Variants in KIF3B observed in about 807,000 individuals in gnomAD.
The protein encoded by KIF3B is kinesin family member 3B.
KIF3B carries 38 observed loss-of-function variants against 74.3 expected under a neutral mutation model. That is an observed-to-expected ratio of 0.51 (90% confidence interval 0.39 to 0.67). The LOEUF is 0.67. Ranked by LOEUF, KIF3B falls within the 30% of genes least tolerant of loss-of-function variation. The pLI, the probability that KIF3B is intolerant of heterozygous loss-of-function variation, is 0.00. For missense variants in KIF3B, 649 were observed against 932.0 expected, an observed-to-expected ratio of 0.70 and a Z score of 3.95; for synonymous variants, 326 against 342.5, an observed-to-expected ratio of 0.95 and a Z score of 0.53.
chr20:32,308,069 T>G (rs1202780216), intron 1 of KIF3B, among the ~76,000 whole-genome samples: 1 of 151,794 alleles, frequency 6.6e-6, no homozygotes, highest in Non-Finnish European at 1.5e-5. Flanking sequence ...ACCCTGTCTC[T>G]ACTAAAAATA....
chr20:32,319,211 T>A (rs2047844391), intron 5 of KIF3B, among the ~76,000 whole-genome samples: 1 of 152,066 alleles, frequency 6.6e-6, no homozygotes, highest in African/African-American at 2.4e-5. Flanking sequence ...TCTGCCCGAC[T>A]TAGCCTCCCA....
chr20:32,309,171 C>T (rs1015479969), intron 1 of KIF3B, among the ~76,000 whole-genome samples: 10 of 151,776 alleles, frequency 6.6e-5, no homozygotes, highest in South Asian at 2.1e-4. Context: ...CATGAGCCAC[C>T]GTGTGCAGCT....
At chr20:32,299,675 G>A (rs897371286) in intron 1 of KIF3B, among the ~76,000 whole-genome samples, 1 of 151,230 alleles carries the variant, frequency 6.6e-6, no homozygotes, top group Non-Finnish European at 1.5e-5. Flanking sequence ...GCCTCCCAAA[G>A]TGCTGGGATT....
At chr20:32,323,105 T>C (rs1450936121) in intron 5 of KIF3B, among the ~76,000 whole-genome samples, 67 of 116,026 alleles carry the variant, frequency 5.8e-4, no homozygotes, top group African/African-American at 2.0e-3. Context: ...TATATATTTA[T>C]ATATATTTAT....
intron 1 of KIF3B, among the ~76,000 whole-genome samples, chr20:32,295,232 T>G (rs79066604): frequency 0.027 from 4,074 of 152,190 alleles, 180 homozygotes; most frequent in African/African-American, 0.093. Context: ...AGGGACATTT[T>G]GAAACTTTTT....
At position 32,310,962 on chromosome 20, in the gene KIF3B, G is replaced by A. The variant is rs773362562; in HGVS notation, c.1185G>A (p.Glu395=). Residue 395 remains glutamate, a synonymous_variant, in exon 2 of 9, where the codon GAG becomes GAA. Transcript: ENST00000375712. The surrounding 1 kb of genome is among the most constrained non-coding windows in gnomAD (Gnocchi z 6.5). ...EGGGSGGGGE[E]EEEEGEEGEE... is the part of the protein sequence containing the mutation. ...GTGGCAGTGGTGGGGGTGGGGAAGA[G>A]GAGGAGGAGGAGGGAGAAGAGGGTG... is the stretch of plus-strand genomic sequence containing the variant. 29 of 1,451,198 alleles carry A rather than the reference G, an allele frequency of 2.0e-5. No individual in the cohort carries two copies. The highest frequency in any genetic ancestry group is 1.8e-4 in the Middle Eastern group (1 of 5,624). The allele number at this position is 1,451,198 out of a possible 1,614,324, so 89.9% of individuals were successfully genotyped here.
chr20:32,306,086 G>A (rs6087869), intron 1 of KIF3B, among the ~76,000 whole-genome samples: 44,965 of 77,982 alleles, frequency 0.58, 10,947 homozygotes, highest in African/African-American at 0.75. Context: ...GACTCCATCT[G>A]AAAAAAAAAA....
At chr20:32,296,400 C>T (rs2047717310) in intron 1 of KIF3B, among the ~76,000 whole-genome samples, 1 of 152,006 alleles carries the variant, frequency 6.6e-6, no homozygotes, top group African/African-American at 2.4e-5. Context: ...GCCGGGAGTT[C>T]AAGAACAGCC....
rs1285188302 is a variant in KIF3B at position 32,277,742 on chromosome 20, G to A, written c.-89G>A. 7.7e-6 allele frequency: 2 copies of A among 260,762 alleles called. No individual in the cohort carries two copies. The highest frequency in any genetic ancestry group is 1.2e-4 in the South Asian group (1 of 8,350). 16.2% of individuals were successfully genotyped at this position (260,762 alleles called of 1,614,324 possible). ...CGCCGCCGCCGCCGCCGCCGCCGCC[G>A]CCCGCTTTCGGCTCGGGCCTCAGGT... On this transcript the variant is annotated 5_prime_UTR_variant, in exon 1 of 9. Coordinates refer to ENST00000375712, the MANE Select transcript of KIF3B (RefSeq NM_004798.4).
At chr20:32,291,538 A>AG (rs1313210063) in intron 1 of KIF3B, among the ~76,000 whole-genome samples, 4 of 152,084 alleles carry the variant, frequency 2.6e-5, no homozygotes, top group Non-Finnish European at 4.4e-5. Flanking sequence ...TTTTAAAATA[A>AG]TAACATTTTT....
chr20:32,299,304 G>A (rs1276554671), intron 1 of KIF3B, among the ~76,000 whole-genome samples: 1 of 141,320 alleles, frequency 7.1e-6, no homozygotes, highest in Non-Finnish European at 1.5e-5. Flanking sequence ...GGCCAGATTT[G>A]TATCCTGGAC....
rs932704374 is a variant in KIF3B at position 32,331,767 on chromosome 20, A to G, written c.*448A>G. ...ATCTTTGGAGCCTCGGGATAAAATG[A>G]CAGTGAGGTTGAAAAGTGAAAACCC... is the stretch of plus-strand genomic sequence containing the variant. On this transcript the variant is annotated 3_prime_UTR_variant, in exon 9 of 9. Transcript: ENST00000375712. 3 of 159,200 alleles carry G rather than the reference A, an allele frequency of 1.9e-5. No individual in the cohort carries two copies. The highest frequency in any genetic ancestry group is 7.2e-5 in the African/African-American group (3 of 41,542). 9.9% of individuals were successfully genotyped at this position (159,200 alleles called of 1,614,324 possible). A position where few individuals can be genotyped will look rare whatever the true frequency, so the allele number is the denominator to read the frequency against.
intron 5 of KIF3B, among the ~76,000 whole-genome samples, chr20:32,326,460 C>T (rs1569210468): frequency 6.6e-6 from 1 of 152,172 alleles, no homozygotes. Context: ...GGTCACCTCC[C>T]TCTTGAGCCT....
chr20:32,319,148 A>G (rs2047844112), intron 5 of KIF3B, among the ~76,000 whole-genome samples: 1 of 151,558 alleles, frequency 6.6e-6, no homozygotes, highest in African/African-American at 2.4e-5. Flanking sequence ...TTTTGTAGAG[A>G]TGGGGTTTCA....
intron 1 of KIF3B, among the ~76,000 whole-genome samples, chr20:32,281,463 A>G (rs1018076153): frequency 6.6e-6 from 1 of 152,260 alleles, no homozygotes; most frequent in Non-Finnish European, 1.5e-5. Flanking sequence ...TGCAGCTTAT[A>G]TTCTACTGGC....
intron 1 of KIF3B, among the ~76,000 whole-genome samples, chr20:32,303,526 C>CT (rs2047754482): frequency 6.7e-6 from 1 of 148,832 alleles, no homozygotes; most frequent in Non-Finnish European, 1.5e-5. Flanking sequence ...GATCATGCCA[C>CT]TGTACTCCAG....
intron 6 of KIF3B, 133 bp from the exon 7 acceptor site, chr20:32,327,423 C>A: frequency 1.6e-6 from 1 of 643,850 alleles, no homozygotes; most frequent in East Asian, 2.8e-5. Context: ...AAGCAGAAAA[C>A]AGAAGCATTT....
chr20:32,327,471 A>T, intron 6 of KIF3B, 85 bp from the exon 7 acceptor site: 1 of 1,048,164 alleles, frequency 9.5e-7, no homozygotes, highest in Non-Finnish European at 1.5e-6. Flanking sequence ...CCAGGGAGTT[A>T]CTTGCTTCAG....
intron 1 of KIF3B, among the ~76,000 whole-genome samples, chr20:32,282,875 G>A (rs994507145): frequency 1.3e-5 from 2 of 152,140 alleles, no homozygotes; most frequent in African/African-American, 2.4e-5. Context: ...AATTCCTAGA[G>A]GATTCTTGAA....
Sources: gnomAD v4.1 joint callset for allele counts (sites outside exome capture counted in the v4.1 genomes callset) on GRCh38, gnomAD v4.1.1 for gene constraint, Gnocchi (gnomAD v3.1) non-coding constraint, MANE v1.5 for transcripts, NCBI Gene and HGNC (gene_info 2026-07-23, HGNC 2026-07-21) for gene names.